Variants in ANKRD30B observed in about 807,000 individuals in gnomAD.
ANKRD30B encodes the protein ankyrin repeat domain 30B.
ANKRD30B carries 144 observed loss-of-function variants against 202.2 expected under a neutral mutation model. That is an observed-to-expected ratio of 0.71 (90% CI 0.62 to 0.82). The LOEUF is 0.82. ANKRD30B is among the 40% of genes least tolerant of loss of function. ANKRD30B has a pLI of 0.00. For synonymous variants in ANKRD30B, 508 were observed against 561.3 expected, an observed-to-expected ratio of 0.91 and a Z score of 1.34; for missense variants, 1,487 against 1,669.1, an observed-to-expected ratio of 0.89 and a Z score of 1.90.
At chr18:14,783,902 C>T (rs552880804) in intron 12 of ANKRD30B, among the ~76,000 whole-genome samples, 1 of 152,166 alleles carries the variant, frequency 6.6e-6, no homozygotes, top group Admixed American at 6.5e-5. Flanking sequence ...CATAACACTT[C>T]ACTGATGAGA....
chr18:14,821,482 G>A (rs1044403422), intron 30 of ANKRD30B, among the ~76,000 whole-genome samples: 1 of 152,032 alleles, frequency 6.6e-6, no homozygotes, highest in African/African-American at 2.4e-5. Context: ...TGTTGAGACA[G>A]AGTCTCACTC....
At chr18:14,770,563 T>C (rs750036522) in intron 8 of ANKRD30B, among the ~76,000 whole-genome samples, 1 of 152,094 alleles carries the variant, frequency 6.6e-6, no homozygotes, top group Non-Finnish European at 1.5e-5. Flanking sequence ...AATGGAATTA[T>C]CAGGGAAAGG....
chr18:14,765,770 G>C (rs1161543965), intron 7 of ANKRD30B, among the ~76,000 whole-genome samples: 5 of 151,908 alleles, frequency 3.3e-5, no homozygotes, highest in Non-Finnish European at 7.4e-5. Context: ...ACCAATCTGT[G>C]GCCTAGTATC....
chr18:14,896,429 CCTAT>C, the ANKRD30B span, among the ~76,000 whole-genome samples: 5 of 152,106 alleles, frequency 3.3e-5, no homozygotes, highest in South Asian at 1.0e-3. Flanking sequence ...CCGCGCCCGG[CCTAT>C]CTGCTCAATT....
rs762141882 is a variant in ANKRD30B at position 14,852,199 on chromosome 18, G to A, written c.4255G>A (p.Glu1419Lys). 4 of 1,592,456 alleles carry A rather than the reference G, an allele frequency of 2.5e-6. No individual in the cohort carries two copies. The highest frequency in any genetic ancestry group is 2.4e-5 in the East Asian group (1 of 42,402). The change falls in exon 42 of 44, where the codon GAG (glutamate) becomes AAG (lysine). Residue 1419 changes from glutamate (E) to lysine (K), a missense_variant. Around this residue, in one of 6 missense-constraint regions of ANKRD30B, gnomAD observed 182 missense variants for 216.0 expected, o/e 0.84. Transcript: ENST00000690538. The part of the protein sequence containing the change: ...DKHTEQQESL[E>K]QKLFQLESKN... ...ACACACTGAACAGCAGGAGTCTCTG[G>A]AGCAGAAATTATTTCAACTAGAAAG...
rs1258490849 is a variant in ANKRD30B at position 14,854,421 on chromosome 18, C to A, written c.*263C>A. 6.6e-6 allele frequency among the ~76,000 whole-genome samples: 1 copy of A among 152,162 alleles called. No homozygotes were observed. Among genetic ancestry groups the A allele is most frequent in the Non-Finnish European group, 1.5e-5 (1 of 68,042 alleles). On this transcript the variant is annotated 3_prime_UTR_variant, in exon 44 of 44. Transcript: ENST00000690538. Reference sequence around the variant, plus strand: ...CTGGTGTGTGGGATGGGGGTAGAATCCCATGCATGAGAAGGGGACAGGTCC... The same window carrying A: ...CTGGTGTGTGGGATGGGGGTAGAATACCATGCATGAGAAGGGGACAGGTCC...
At chr18:14,849,933 T>A (rs1197497686) in intron 40 of ANKRD30B, among the ~76,000 whole-genome samples, 1 of 151,658 alleles carries the variant, frequency 6.6e-6, no homozygotes, top group Non-Finnish European at 1.5e-5. Context: ...ACTTATAAAT[T>A]TACTAGATAG....
At chr18:14,929,207 C>A in the ANKRD30B span, among the ~76,000 whole-genome samples, 10 of 152,302 alleles carry the variant, frequency 6.6e-5, no homozygotes, top group Middle Eastern at 0.01. Flanking sequence ...ATGCCTACGA[C>A]CTTTTCTTTC....
the ANKRD30B span, among the ~76,000 whole-genome samples, chr18:14,917,042 C>G: frequency 2.6e-5 from 4 of 152,170 alleles, no homozygotes; most frequent in Non-Finnish European, 5.9e-5. Context: ...CTGAGAGACA[C>G]ACAGAGGATA....
At chr18:14,892,567 C>T in the ANKRD30B span, among the ~76,000 whole-genome samples, 12 of 151,826 alleles carry the variant, frequency 7.9e-5, no homozygotes, top group African/African-American at 2.4e-4. Flanking sequence ...GGCGAAACCC[C>T]GTTTCTACTA....
the ANKRD30B span, among the ~76,000 whole-genome samples, chr18:14,866,746 C>A: frequency 6.6e-6 from 1 of 151,754 alleles, no homozygotes; most frequent in South Asian, 2.1e-4. Context: ...TAGTGGGTGG[C>A]GCTATCGGGC....
chr18:14,835,827 T>C (rs1483350155), intron 34 of ANKRD30B, among the ~76,000 whole-genome samples: 2 of 151,994 alleles, frequency 1.3e-5, no homozygotes, highest in Admixed American at 6.6e-5. Flanking sequence ...TATAATTCTA[T>C]GGGTAAGCAT....
the ANKRD30B span, among the ~76,000 whole-genome samples, chr18:14,885,115 C>A: frequency 6.6e-6 from 1 of 152,110 alleles, no homozygotes. Context: ...CAGTGGCCTG[C>A]ATCCATTTCG....
At chr18:14,804,851 G>A (rs1212083464) in intron 24 of ANKRD30B, among the ~76,000 whole-genome samples, 1 of 150,758 alleles carries the variant, frequency 6.6e-6, no homozygotes, top group African/African-American at 2.5e-5. Flanking sequence ...AGATTATGAG[G>A]CAGGAAGCAG....
In ANKRD30B at chr18:14,757,871, T is replaced by C. The variant is rs1436450509; in HGVS notation, c.674T>C (p.Leu225Pro). 6.2e-7 allele frequency: 1 copy of C among 1,613,708 alleles called. No homozygotes were observed. Among genetic ancestry groups the C allele is most frequent in the Non-Finnish European group, 8.5e-7 (1 of 1,179,904 alleles). The change falls in exon 5 of 44, where the codon CTT becomes CCT. Residue 225 changes from leucine to proline, a missense_variant. Leu to Pro is a moderately conservative substitution (Grantham distance 98). Transcript: ENST00000690538. ...EGSSEIVGML[L>P]QQNVDVFAED... ...TCATCAGAGATAGTCGGCATGCTTC[T>C]TCAGCAAAATGTTGACGTCTTTGCT...
At chr18:14,775,853 G>A (rs1967319812) in intron 9 of ANKRD30B, among the ~76,000 whole-genome samples, 1 of 152,162 alleles carries the variant, frequency 6.6e-6, no homozygotes, top group Non-Finnish European at 1.5e-5. Context: ...ACTAGCTATG[G>A]GAACTTGGAA....
At chr18:14,900,519 G>A in the ANKRD30B span, among the ~76,000 whole-genome samples, 10 of 152,034 alleles carry the variant, frequency 6.6e-5, no homozygotes, top group African/African-American at 2.2e-4. Flanking sequence ...TCATTATGAT[G>A]TTCATTCCTT....
At chr18:14,792,417 T>C (rs1231033155) in intron 16 of ANKRD30B, among the ~76,000 whole-genome samples, 2 of 152,066 alleles carry the variant, frequency 1.3e-5, no homozygotes, top group Non-Finnish European at 2.9e-5. Context: ...CGGAAGATAC[T>C]ACTGCTAAAC....
the ANKRD30B span, among the ~76,000 whole-genome samples, chr18:14,916,887 G>T: frequency 7.4e-4 from 112 of 152,270 alleles, no homozygotes; most frequent in African/African-American, 2.6e-3. Flanking sequence ...GGAAACACAG[G>T]CTCAGAGGAG....
Sources: gnomAD v4.1 joint callset for allele counts (sites outside exome capture counted in the v4.1 genomes callset) on GRCh38, gnomAD v4.1.1 for gene constraint, gnomAD v4.1.1 regional missense constraint, MANE v1.5 for transcripts, NCBI Gene and HGNC (gene_info 2026-07-23, HGNC 2026-07-21) for gene names.